Variants in BNC2 observed in about 807,000 individuals in gnomAD.
The protein encoded by BNC2 is basonuclin zinc finger protein 2.
Under a neutral mutation model 76.3 loss-of-function variants are expected in BNC2, and 20 were observed. The ratio of observed to expected loss-of-function variants is 0.26; its 90% CI spans 0.18 to 0.38. The LOEUF (loss-of-function observed/expected upper bound fraction) is 0.38, where lower values mean the gene tolerates loss of function less well. BNC2 is among the 10% of genes least tolerant of loss of function. The pLI, the probability that BNC2 is intolerant of heterozygous loss-of-function variation, is 1.00. For missense variants in BNC2, 1,382 were observed against 1,399.8 expected (o/e 0.99, Z 0.20); for synonymous variants, 582 against 514.8 (o/e 1.13, Z -1.77).
At chr9:16,808,394 C>G (rs1817963023) in intron 1 of BNC2, among the ~76,000 whole-genome samples, 1 of 150,068 alleles carries the variant, frequency 6.7e-6, no homozygotes, top group South Asian at 2.1e-4. Context: ...GAGGTAGAGG[C>G]TAACAGCTGT....
chr9:16,654,937 T>C (rs1821887016), intron 3 of BNC2, among the ~76,000 whole-genome samples: 1 of 151,816 alleles, frequency 6.6e-6, no homozygotes, highest in East Asian at 1.9e-4. Context: ...TGAGTTAGAA[T>C]AGCTCTACAC....
chr9:16,494,769 T>A (rs1822351421), intron 5 of BNC2, among the ~76,000 whole-genome samples: 1 of 151,762 alleles, frequency 6.6e-6, no homozygotes, highest in Non-Finnish European at 1.5e-5. Context: ...GTAGAAGAGT[T>A]TGGATTTTCA....
intron 5 of BNC2, among the ~76,000 whole-genome samples, chr9:16,481,110 G>A (rs1310191949): frequency 6.6e-6 from 1 of 152,138 alleles, no homozygotes; most frequent in Admixed American, 6.5e-5. Flanking sequence ...GGGCTCTGGT[G>A]GGGCCTTGGA....
intron 5 of BNC2, among the ~76,000 whole-genome samples, chr9:16,545,624 CAT>C (rs1818457797): frequency 6.6e-6 from 1 of 152,164 alleles, no homozygotes; most frequent in Non-Finnish European, 1.5e-5. Context: ...TTCCACCACA[CAT>C]GAGTGGAGCA....
chr9:16,537,835 T>G (rs577451300), intron 5 of BNC2, among the ~76,000 whole-genome samples: 1 of 152,310 alleles, frequency 6.6e-6, no homozygotes, highest in East Asian at 1.9e-4. Flanking sequence ...AGCAATATGC[T>G]CAAGTGAATA....
intron 1 of BNC2, among the ~76,000 whole-genome samples, chr9:16,865,506 T>C (rs530969457): frequency 4.6e-5 from 7 of 152,322 alleles, no homozygotes; most frequent in African/African-American, 1.7e-4. Context: ...TGATTGCAAC[T>C]GTGAAATGGC....
intron 3 of BNC2, among the ~76,000 whole-genome samples, chr9:16,673,651 T>G (rs1244943893): frequency 1.3e-5 from 2 of 152,194 alleles, no homozygotes; most frequent in Non-Finnish European, 2.9e-5. Context: ...TTATACAGAA[T>G]AGATTAAATA....
intron 1 of BNC2, among the ~76,000 whole-genome samples, chr9:16,743,596 C>A (rs1170882790): frequency 6.6e-6 from 1 of 152,168 alleles, no homozygotes; most frequent in African/African-American, 2.4e-5. Flanking sequence ...TGTGCTCCAG[C>A]CCCAAAGCAC....
rs113735914 is a variant in BNC2 at position 16,819,565 on chromosome 9, C to G, written c.3+51081G>C. Among the ~76,000 whole-genome samples, 397 of 151,508 alleles carry G rather than the reference C, an allele frequency of 2.6e-3. 5 individuals are homozygous for G. The highest frequency in any genetic ancestry group is 3.4e-3 in the Non-Finnish European group (228 of 67,836). On this transcript the variant is annotated intron_variant, in intron 1 of 6. Coordinates refer to ENST00000380672, the MANE Select transcript of BNC2 (RefSeq NM_017637.6). ...GTAATTCCAGCTACTCAGGAGGCAG[C>G]AGAATCACTTCAACCCAGGAGGTGG... is the stretch of plus-strand genomic sequence containing the variant.
rs139603842 is a variant in BNC2 at position 16,745,772 on chromosome 9, T to C, written c.4-7287A>G. On this transcript the variant is annotated intron_variant, in intron 1 of 6. Coordinates refer to ENST00000380672, the MANE Select transcript of BNC2 (RefSeq NM_017637.6). ...TTTTCCTAAACCCTAGATTGTTTAC[T>C]GTAGTATATATATAAGGAATAAGTA... 4.7e-3 allele frequency among the ~76,000 whole-genome samples: 716 copies of C among 152,386 alleles called. 2 individuals are homozygous for C. Among genetic ancestry groups the C allele is most frequent in the African/African-American group, 0.016 (678 of 41,604 alleles).
intron 1 of BNC2, among the ~76,000 whole-genome samples, chr9:16,742,717 T>C (rs981226638): frequency 1.3e-5 from 2 of 152,152 alleles, no homozygotes; most frequent in Non-Finnish European, 2.9e-5. Flanking sequence ...AAACCAATAC[T>C]AAATACTTTA....
intron 1 of BNC2, among the ~76,000 whole-genome samples, chr9:16,751,057 G>A (rs763422953): frequency 6.6e-6 from 1 of 152,008 alleles, no homozygotes; most frequent in Non-Finnish European, 1.5e-5. Context: ...TCACCCACAA[G>A]ATTAAATATA....
intron 5 of BNC2, among the ~76,000 whole-genome samples, chr9:16,537,622 T>C (rs908449731): frequency 6.7e-6 from 1 of 150,294 alleles, no homozygotes; most frequent in African/African-American, 2.5e-5. Context: ...TAGGAGAAGG[T>C]AGATGTATCT....
intron 1 of BNC2, 31 bp from the exon 2 acceptor site, chr9:16,738,516 A>G (rs1824747437): frequency 1.2e-6 from 2 of 1,611,904 alleles, no homozygotes; most frequent in South Asian, 2.2e-5. Flanking sequence ...GAAATTACAT[A>G]TGCCCAGACA....
chr9:16,589,964 A>C (rs1398110625), intron 3 of BNC2, among the ~76,000 whole-genome samples: 3 of 152,282 alleles, frequency 2.0e-5, no homozygotes, highest in South Asian at 4.2e-4. Context: ...GCTAGTCATT[A>C]ACATAAGCAG....
intron 1 of BNC2, among the ~76,000 whole-genome samples, chr9:16,792,245 C>T (rs550075646): frequency 3.3e-3 from 80 of 23,900 alleles, no homozygotes; most frequent in African/African-American, 8.5e-3. Flanking sequence ...TTATAACCCC[C>T]ATTCAGAATA....
intron 1 of BNC2, among the ~76,000 whole-genome samples, chr9:16,741,152 G>GA (rs1268555002): frequency 6.6e-6 from 1 of 152,120 alleles, no homozygotes; most frequent in Non-Finnish European, 1.5e-5. Context: ...CTAGAAGGAA[G>GA]AAAACATTGG....
intron 3 of BNC2, among the ~76,000 whole-genome samples, chr9:16,655,484 C>T (rs1821904533): frequency 6.6e-6 from 1 of 152,092 alleles, no homozygotes; most frequent in Non-Finnish European, 1.5e-5. Context: ...TACAGTTCCT[C>T]CTTGACTATC....
In BNC2 at chr9:16,666,590, T is replaced by C. The variant is rs533790805; in HGVS notation, c.330+61207A>G. On this transcript the variant is annotated intron_variant, in intron 3 of 6. Coordinates refer to ENST00000380672, the MANE Select transcript of BNC2 (RefSeq NM_017637.6). ...CTATCTTGGCAATTAAGTAAAAACA[T>C]CTTTCAAGAAACCACAGGTCAGCTT... Among the ~76,000 whole-genome samples the C allele has an allele frequency of 1.8e-4, 28 of 152,308 alleles. No individual in the cohort carries two copies. In the South Asian group the frequency reaches 5.6e-3, roughly 30 times the overall value.
Sources: allele counts gnomAD v4.1 joint callset (sites outside exome capture counted in the v4.1 genomes callset), GRCh38; gene constraint gnomAD v4.1.1; transcripts MANE v1.5; gene names NCBI Gene and HGNC (gene_info 2026-07-23, HGNC 2026-07-21).